Variants in GRIK3 observed in about 807,000 individuals in gnomAD.
The protein encoded by GRIK3 is glutamate ionotropic receptor kainate type subunit 3, also known as glutamate receptor ionotropic, kainate 3.
GRIK3 carries 29 observed loss-of-function variants against 102.5 expected under a neutral mutation model. That is an observed-to-expected ratio of 0.28 (90% CI 0.21 to 0.39). The LOEUF is 0.39. GRIK3 is among the 10% of genes least tolerant of loss of function. The pLI, the probability that GRIK3 is intolerant of heterozygous loss-of-function variation, is 1.00. For synonymous variants in GRIK3, 511 were observed against 504.9 expected, an observed-to-expected ratio of 1.01 and a Z score of -0.16; for missense variants, 908 against 1,252.4, an observed-to-expected ratio of 0.73 and a Z score of 4.15.
At position 36,859,088 on chromosome 1, in the gene GRIK3, GGGGGCT is replaced by G; in HGVS notation, c.1104+14_1104+19del. The G allele has an allele frequency of 6.3e-7, 1 of 1,589,180 alleles. No homozygotes were observed. Among genetic ancestry groups the G allele is most frequent in the Non-Finnish European group, 8.6e-7 (1 of 1,162,332 alleles). On this transcript the variant is annotated intron_variant, in intron 7 of 15. Coordinates refer to ENST00000373091, the MANE Select transcript of GRIK3 (RefSeq NM_000831.4). ...ACAGTCCCGGGGAGACAACACTGGT[GGGGGCT>G]GTGGGGCACTCACCTCCTTGATGAA...
chr1:36,807,184 A>C (rs1411163719), intron 13 of GRIK3, among the ~76,000 whole-genome samples: 3 of 152,142 alleles, frequency 2.0e-5, no homozygotes, highest in Non-Finnish European at 4.4e-5. Flanking sequence ...CCCTAAGACC[A>C]GGTCCAGTTG....
At chr1:36,939,793 T>C (rs1162328466) in intron 1 of GRIK3, among the ~76,000 whole-genome samples, 1 of 152,162 alleles carries the variant, frequency 6.6e-6, no homozygotes, top group Non-Finnish European at 1.5e-5. Context: ...AGAATGTGGG[T>C]AGAAGGATTC....
At chr1:36,820,533 C>T (rs9701456) in intron 11 of GRIK3, among the ~76,000 whole-genome samples, 1 of 152,096 alleles carries the variant, frequency 6.6e-6, no homozygotes, top group African/African-American at 2.4e-5. Flanking sequence ...GTGTTTACTT[C>T]TGGGGAGGGG....
intron 1 of GRIK3, among the ~76,000 whole-genome samples, chr1:36,898,152 G>A (rs71639001): frequency 3.3e-5 from 5 of 151,844 alleles, no homozygotes; most frequent in Admixed American, 2.6e-4. Flanking sequence ...TGGGTGGGGG[G>A]AGGTGGGGGT....
chr1:36,834,513 GT>G (rs1640348301), intron 10 of GRIK3, among the ~76,000 whole-genome samples: 1 of 152,160 alleles, frequency 6.6e-6, no homozygotes, highest in African/African-American at 2.4e-5. Context: ...GTATCAACCA[GT>G]GGGTCATGTC....
intron 4 of GRIK3, 64 bp from the exon 5 acceptor site, chr1:36,869,865 A>T: frequency 8.4e-7 from 1 of 1,196,544 alleles, no homozygotes; most frequent in South Asian, 1.2e-5. Context: ...CCACATCCCC[A>T]CCCAGGGCTG....
chr1:36,957,710 G>A (rs1432995027), intron 1 of GRIK3, among the ~76,000 whole-genome samples: 2 of 150,446 alleles, frequency 1.3e-5, no homozygotes, highest in East Asian at 4.0e-4. Flanking sequence ...TGTGCCCCGT[G>A]AGCCTGTGTG....
chr1:36,886,120 C>T (rs1372102954), intron 2 of GRIK3, among the ~76,000 whole-genome samples: 11 of 152,174 alleles, frequency 7.2e-5, no homozygotes, highest in Admixed American at 7.2e-4. Context: ...CTGGAAGTCA[C>T]TCATCTTTTA....
At chr1:36,950,204 G>C (rs1012482123) in intron 1 of GRIK3, among the ~76,000 whole-genome samples, 1 of 152,186 alleles carries the variant, frequency 6.6e-6, no homozygotes, top group Non-Finnish European at 1.5e-5. Context: ...CTCTGGAAAA[G>C]AAGTGGCTTG....
At chr1:37,009,692 G>C (rs1642569313) in intron 1 of GRIK3, among the ~76,000 whole-genome samples, 1 of 152,112 alleles carries the variant, frequency 6.6e-6, no homozygotes, top group Non-Finnish European at 1.5e-5. Context: ...ATTTTAATTA[G>C]GCTAGAGTTG....
chr1:36,812,976 T>C (rs6671364), intron 13 of GRIK3, among the ~76,000 whole-genome samples: 9,756 of 152,304 alleles, frequency 0.064, 435 homozygotes, highest in Non-Finnish European at 0.099. Context: ...CAACACGTAT[T>C]ATTAGAGCAA....
chr1:36,851,084 C>T (rs1238257650), intron 8 of GRIK3, among the ~76,000 whole-genome samples: 1 of 152,222 alleles, frequency 6.6e-6, no homozygotes, highest in Non-Finnish European at 1.5e-5. Flanking sequence ...CTGGCCAGCT[C>T]TGCCTGGTCT....
At chr1:36,931,751 C>T (rs573176869) in intron 1 of GRIK3, among the ~76,000 whole-genome samples, 2 of 152,326 alleles carry the variant, frequency 1.3e-5, no homozygotes, top group African/African-American at 2.4e-5. Context: ...TCCCACAGAG[C>T]GGCGTGTGCA....
At chr1:36,824,307 C>T (rs901508568) in intron 11 of GRIK3, among the ~76,000 whole-genome samples, 2 of 152,192 alleles carry the variant, frequency 1.3e-5, no homozygotes, top group Non-Finnish European at 1.5e-5. Flanking sequence ...AATCATGCTG[C>T]GAGCTCTGGA....
At position 36,806,186 on chromosome 1, in the gene GRIK3, C is replaced by G. The variant is rs1294350341; in HGVS notation, c.2232G>C (p.Glu744Asp). 22 of 1,614,056 alleles carry G rather than the reference C, an allele frequency of 1.4e-5. No individual in the cohort carries two copies. The highest frequency in any genetic ancestry group is 1.2e-4 in the Admixed American group (7 of 60,008). Reference sequence around the variant, plus strand: ...GGTTGCAGTTCCTCTGCGTGACGTACTCGATGGTGGTGGACTCCATGAGCA... The same window carrying G: ...GGTTGCAGTTCCTCTGCGTGACGTAGTCGATGGTGGTGGACTCCATGAGCA... ...YALLMESTTI[E>D]YVTQRNCNLT... The change falls in exon 14 of 16, where the codon GAG becomes GAC. Residue 744 changes from glutamate (E) to aspartate (D), a missense_variant. Physicochemically the swap from Glu to Asp is conservative, Grantham distance 45. Transcript: ENST00000373091. The surrounding 1 kb of genome is among the most constrained non-coding windows in gnomAD (Gnocchi z 4.0).
intron 1 of GRIK3, among the ~76,000 whole-genome samples, chr1:36,999,645 T>A (rs746138249): frequency 9.9e-5 from 15 of 152,064 alleles, no homozygotes; most frequent in Non-Finnish European, 1.6e-4. Context: ...ACACAGGGCC[T>A]CTCAGGGAAC....
chr1:37,024,546 C>A (rs1319225742), intron 1 of GRIK3, among the ~76,000 whole-genome samples: 1 of 150,984 alleles, frequency 6.6e-6, no homozygotes, highest in Non-Finnish European at 1.5e-5. Context: ...GGAGTTCGAC[C>A]AGCCTGGCCA....
At chr1:36,866,071 T>C (rs192239403) in intron 5 of GRIK3, among the ~76,000 whole-genome samples, 150 of 152,338 alleles carry the variant, frequency 9.8e-4, no homozygotes, top group African/African-American at 3.5e-3. Context: ...TTTGTAGAGA[T>C]AGGGTCTCAC....
At chr1:37,028,544 C>T (rs1240401460) in intron 1 of GRIK3, among the ~76,000 whole-genome samples, 1 of 152,162 alleles carries the variant, frequency 6.6e-6, no homozygotes, top group East Asian at 1.9e-4. Context: ...AAAACTAGTG[C>T]TAGTGGAATT....
Sources: gnomAD v4.1 joint callset for allele counts (sites outside exome capture counted in the v4.1 genomes callset) on GRCh38, gnomAD v4.1.1 for gene constraint, Gnocchi (gnomAD v3.1) non-coding constraint, MANE v1.5 for transcripts, NCBI Gene and HGNC (gene_info 2026-07-23, HGNC 2026-07-21) for gene names.